The following KLHL8 variants were observed in gnomAD, a reference collection of about 807,000 sequenced individuals.
The protein encoded by KLHL8 is kelch like family member 8, also known as kelch-like protein 8.
In KLHL8, 38 loss-of-function variants were observed where a neutral mutation model predicts 63.5. That is an observed-to-expected ratio of 0.60 (90% CI 0.46 to 0.78). The LOEUF is 0.78. Ranked by LOEUF, KLHL8 falls within the 30% of genes least tolerant of loss-of-function variation. KLHL8 has a pLI of 0.00. For synonymous variants in KLHL8, 224 were observed against 254.3 expected, an observed-to-expected ratio of 0.88 and a Z score of 1.13; for missense variants, 566 against 752.4, an observed-to-expected ratio of 0.75 and a Z score of 2.90.
rs941388772 is a variant in KLHL8 at position 87,191,248 on chromosome 4, C to T, written c.216+4076G>A. 7.2e-5 allele frequency among the ~76,000 whole-genome samples: 11 copies of T among 152,156 alleles called. No homozygotes were observed. The East Asian group carries it at 7.7e-4, about 11-fold the overall frequency. ...GTTTGGGAGGCTGAGGCAGACAGAT[C>T]GCTTGAGTCCAGGAGTTCAAGACCA... On this transcript the variant is annotated intron_variant, in intron 2 of 9. Transcript: ENST00000273963.
intron 1 of KLHL8, among the ~76,000 whole-genome samples, chr4:87,201,520 C>A (rs1271586390): frequency 6.6e-6 from 1 of 152,174 alleles, no homozygotes; most frequent in Non-Finnish European, 1.5e-5. Context: ...CAGAACACAT[C>A]ATTAACCAAC....
chr4:87,181,815 T>C (rs7698923), intron 4 of KLHL8, among the ~76,000 whole-genome samples: 46,822 of 152,056 alleles, frequency 0.31, 7,941 homozygotes, highest in African/African-American at 0.44. Context: ...CTGTCTAGTA[T>C]ATTTTGGCAT....
Position 87,171,293 on chromosome 4 carries a change from C to T in KLHL8, c.1209-678G>A, listed in dbSNP as rs112017977. ...TTTATAAACCTCTACTATCTTGTGT[C>T]TCATCTGAGACATAGATGGATATTA... On this transcript the variant is annotated intron_variant, in intron 6 of 9. Transcript: ENST00000273963. Among the ~76,000 whole-genome samples, 1,101 of 152,268 alleles carry T rather than the reference C, an allele frequency of 7.2e-3. 10 individuals carry two copies. The highest frequency in any genetic ancestry group is 0.025 in the African/African-American group (1,050 of 41,548).
chr4:87,188,213 A>C (rs2109999816), intron 2 of KLHL8, among the ~76,000 whole-genome samples: 1 of 152,348 alleles, frequency 6.6e-6, no homozygotes, highest in African/African-American at 2.4e-5. Flanking sequence ...TCTGATACTA[A>C]ATAACTTTTA....
intron 2 of KLHL8, among the ~76,000 whole-genome samples, chr4:87,190,278 G>A: frequency 6.6e-6 from 1 of 151,860 alleles, no homozygotes. Context: ...TTTGATTACT[G>A]TAAATACTAT....
chr4:87,231,443 C>G (rs1733136263), intron 1 of KLHL8, among the ~76,000 whole-genome samples: 1 of 152,124 alleles, frequency 6.6e-6, no homozygotes, highest in African/African-American at 2.4e-5. Context: ...CCTCAACATG[C>G]CACCTGCAGA....
intron 1 of KLHL8, among the ~76,000 whole-genome samples, chr4:87,231,474 A>G (rs1194814646): frequency 1.3e-5 from 2 of 152,190 alleles, no homozygotes; most frequent in African/African-American, 4.8e-5. Flanking sequence ...TGGGAGAATG[A>G]TGTGATAATC....
In KLHL8 at chr4:87,216,372, A is replaced by G. The variant is rs561948480; in HGVS notation, c.-152+4046T>C. Among the ~76,000 whole-genome samples, 4 of 152,334 alleles carry G rather than the reference A, an allele frequency of 2.6e-5. No individual in the cohort carries two copies. In the East Asian group the frequency reaches 7.7e-4, roughly 29 times the overall value. On this transcript the variant is annotated intron_variant, in intron 1 of 9. Coordinates refer to ENST00000273963, the MANE Select transcript of KLHL8 (RefSeq NM_020803.5). ...AACCTGTTTCTCTTTCCTTTCCACA[A>G]AAAACTAATTTTAAAAATAATCTCT...
chr4:87,192,537 G>A (rs533867555), intron 2 of KLHL8, among the ~76,000 whole-genome samples: 4 of 152,222 alleles, frequency 2.6e-5, no homozygotes, highest in East Asian at 3.9e-4. Flanking sequence ...AATAGGCTAC[G>A]CAGGCTTATA....
intron 6 of KLHL8, among the ~76,000 whole-genome samples, chr4:87,175,479 G>A (rs1002964844): frequency 1.3e-5 from 2 of 152,084 alleles, no homozygotes; most frequent in Non-Finnish European, 2.9e-5. Context: ...GTGGGATTGA[G>A]TTTTTAAAAT....
In KLHL8 at chr4:87,185,644, A is replaced by G. The variant is rs1473765841; in HGVS notation, c.372T>C (p.Phe124=). ...DGDAIEDLVK[F]VYSSRLTLTV... ...TCAAAGTGAGCCGTGAAGAATAGAC[A>G]AACTTTACCAAGTCTTCTATTGCAT... The change falls in exon 3 of 10, where the codon TTT becomes TTC. Residue 124 remains phenylalanine, a synonymous_variant. Transcript: ENST00000273963. 2 of 1,614,232 alleles carry G rather than the reference A, an allele frequency of 1.2e-6. No individual in the cohort carries two copies. The highest frequency in any genetic ancestry group is 3.3e-5 in the Admixed American group (2 of 60,036).
At chr4:87,179,221 C>A (rs1386799710) in intron 4 of KLHL8, among the ~76,000 whole-genome samples, 1 of 152,166 alleles carries the variant, frequency 6.6e-6, no homozygotes, top group African/African-American at 2.4e-5. Context: ...CCCCTTCTTG[C>A]CTACCTAAAC....
rs561667941 is a variant in KLHL8, at chr4:87,160,590, T to C, written c.*2929A>G. The C allele has an allele frequency of 6.6e-6, 1 of 152,320 alleles. No homozygotes were observed. The highest frequency in any genetic ancestry group is 1.9e-4 in the East Asian group (1 of 5,188). 9.4% of individuals were successfully genotyped at this position (152,320 alleles called of 1,614,324 possible). A position where few individuals can be genotyped will look rare whatever the true frequency, so the allele number is the denominator to read the frequency against. ...TACTCCTTAGAGGGAGTACAAAGTT[T>C]ATTCAAACATTTTAGAAATAATCAA... On this transcript the variant is annotated 3_prime_UTR_variant, in exon 10 of 10. Transcript: ENST00000273963.
chr4:87,220,845 C>G (rs1175055985), upstream of KLHL8: 1 of 152,256 alleles, frequency 6.6e-6, no homozygotes, highest in Admixed American at 6.5e-5. Flanking sequence ...TACCTTTGAG[C>G]TTATCCATGC....
intron 6 of KLHL8, among the ~76,000 whole-genome samples, 172 bp from the exon 7 acceptor site, chr4:87,170,787 C>T (rs1210151736): frequency 6.6e-6 from 1 of 152,168 alleles, no homozygotes; most frequent in Non-Finnish European, 1.5e-5. Flanking sequence ...TACAGAATTG[C>T]CAAACTGTGC....
intron 1 of KLHL8, among the ~76,000 whole-genome samples, chr4:87,202,571 A>G (rs1177208243): frequency 1.3e-5 from 2 of 152,222 alleles, no homozygotes; most frequent in Non-Finnish European, 2.9e-5. Context: ...TTCTACACAC[A>G]TAAATGTGAC....
intron 1 of KLHL8, among the ~76,000 whole-genome samples, chr4:87,217,176 A>G (rs1035238541): frequency 3.3e-5 from 5 of 152,162 alleles, no homozygotes; most frequent in African/African-American, 1.2e-4. Flanking sequence ...GAGTAAACAA[A>G]AATTAATTTA....
Position 87,162,547 on chromosome 4 carries a change from T to C in KLHL8, c.*972A>G, listed in dbSNP as rs1730214545. On this transcript the variant is annotated 3_prime_UTR_variant, in exon 10 of 10. Transcript: ENST00000273963. ...GTAAAAATGCATTCATTTCTGATAA[T>C]AAATAAATGCAGATTGATTCTGTAC... 1 of 152,280 alleles carries C rather than the reference T, an allele frequency of 6.6e-6. No homozygotes were observed. Among genetic ancestry groups the C allele is most frequent in the East Asian group, 1.9e-4 (1 of 5,190 alleles). 9.4% of individuals were successfully genotyped at this position (152,280 alleles called of 1,614,324 possible).
At chr4:87,192,482 G>C (rs1040822220) in intron 2 of KLHL8, among the ~76,000 whole-genome samples, 1 of 152,072 alleles carries the variant, frequency 6.6e-6, no homozygotes, top group African/African-American at 2.4e-5. Context: ...GATATGTTTA[G>C]ATAAATACCA....
Sources: allele counts gnomAD v4.1 joint callset (sites outside exome capture counted in the v4.1 genomes callset), GRCh38; gene constraint gnomAD v4.1.1; transcripts MANE v1.5; gene names NCBI Gene and HGNC (gene_info 2026-07-23, HGNC 2026-07-21).